Variants in ZNF502 observed in about 807,000 individuals in gnomAD.
ZNF502 encodes the protein zinc finger protein 502.
Under a neutral mutation model 43.6 loss-of-function variants are expected in ZNF502, and 29 were observed. The observed-to-expected ratio is 0.67, with a 90% CI of 0.50 to 0.91. The LOEUF (loss-of-function observed/expected upper bound fraction) is 0.91. ZNF502 is among the 40% of genes least tolerant of loss of function. The pLI, the probability that ZNF502 is intolerant of heterozygous loss-of-function variation, is 0.00. For missense variants in ZNF502, 591 were observed against 647.2 expected (o/e 0.91, Z 0.94); for synonymous variants, 171 against 207.4 (o/e 0.82, Z 1.51).
chr3:44,712,901 C>T (rs996875229), intron 1 of ZNF502, among the ~76,000 whole-genome samples, 161 bp downstream of exon 1: 8 of 152,240 alleles, frequency 5.3e-5, no homozygotes, highest in Admixed American at 6.5e-5. Flanking sequence ...CCTAGCGGCT[C>T]GGCCCGCCCA....
At chr3:44,718,452 G>C (rs1704208635) in intron 1 of ZNF502, among the ~76,000 whole-genome samples, 1 of 152,170 alleles carries the variant, frequency 6.6e-6, no homozygotes, top group African/African-American at 2.4e-5. Flanking sequence ...CTATCAAACT[G>C]TTTCAAATCC....
intron 2 of ZNF502, 49 bp downstream of exon 2, chr3:44,720,365 A>T: frequency 1.3e-6 from 2 of 1,594,742 alleles, no homozygotes; most frequent in Non-Finnish European, 1.7e-6. Context: ...GCCAATAGGA[A>T]GCCTTTGGAA....
At chr3:44,713,328 A>G (rs1575536623) in intron 1 of ZNF502, among the ~76,000 whole-genome samples, 2 of 152,230 alleles carry the variant, frequency 1.3e-5, no homozygotes, top group East Asian at 1.9e-4. Flanking sequence ...AAGGATTACT[A>G]TCCATTATAT....
At chr3:44,714,381 T>C (rs140706681) in intron 1 of ZNF502, among the ~76,000 whole-genome samples, 3 of 152,360 alleles carry the variant, frequency 2.0e-5, no homozygotes, top group African/African-American at 4.8e-5. Context: ...GGGCAACTTA[T>C]AGACCTAGGA....
intron 1 of ZNF502, among the ~76,000 whole-genome samples, chr3:44,719,362 G>C (rs1559499728): frequency 6.6e-6 from 1 of 152,216 alleles, no homozygotes; most frequent in Non-Finnish European, 1.5e-5. Context: ...TACTTGAGCA[G>C]ACTTATTTTA....
Position 44,722,046 on chromosome 3 carries a change from G to A in ZNF502, c.1229G>A (p.Ser410Asn). 1 of 1,614,138 alleles carries A rather than the reference G, an allele frequency of 6.2e-7. No individual in the cohort carries two copies. Among genetic ancestry groups the A allele is most frequent in the Non-Finnish European group, 8.5e-7 (1 of 1,180,018 alleles). The change falls in exon 3 of 3, where the codon AGT (serine) becomes AAT (asparagine). Residue 410 changes from serine (S) to asparagine (N), a missense_variant. Physicochemically the swap from Ser to Asn is conservative, Grantham distance 46 (BLOSUM62 1). Transcript: ENST00000436624. The part of the protein sequence containing the change: ...IHTGERPYKC[S>N]ECGKAFIQSI... Reference sequence around the variant, plus strand: ...ACAGGGGAGAGACCCTACAAATGCAGTGAATGTGGTAAAGCCTTCATTCAG... The same window carrying A: ...ACAGGGGAGAGACCCTACAAATGCAATGAATGTGGTAAAGCCTTCATTCAG...
chr3:44,716,608 C>G (rs929978844), intron 1 of ZNF502, among the ~76,000 whole-genome samples: 1 of 152,182 alleles, frequency 6.6e-6, no homozygotes, highest in African/African-American at 2.4e-5. Context: ...TCACAGCATC[C>G]TAACTATAAC....
intron 1 of ZNF502, among the ~76,000 whole-genome samples, chr3:44,719,786 C>T (rs1008557112): frequency 2.0e-4 from 31 of 152,194 alleles, no homozygotes; most frequent in African/African-American, 7.2e-4. Context: ...AGACTTAATG[C>T]ACAAGCTTTG....
intron 1 of ZNF502, among the ~76,000 whole-genome samples, chr3:44,718,433 T>C (rs954432681): frequency 6.6e-6 from 1 of 152,234 alleles, no homozygotes; most frequent in African/African-American, 2.4e-5. Flanking sequence ...TCTAATCATG[T>C]CATGTATTCT....
rs777996065 is a variant in ZNF502, at chr3:44,722,420, T to C, written c.1603T>C (p.Phe535Leu). 1 of 1,613,270 alleles carries C rather than the reference T, an allele frequency of 6.2e-7. No homozygotes were observed. The highest frequency in any genetic ancestry group is 1.7e-5 in the Admixed American group (1 of 59,962). The part of the protein sequence containing the change: ...GKFFRHSSVL[F>L]RHQKLHSGD ...GTTCTTCAGACATAGTTCAGTCCTTTTCAGACATCAGAAACTTCACAGTGG... is the reference window on the plus strand; with the variant it reads ...GTTCTTCAGACATAGTTCAGTCCTTCTCAGACATCAGAAACTTCACAGTGG... Residue 535 changes from phenylalanine to leucine, a missense_variant, in exon 3 of 3, where the codon TTC becomes CTC. By Grantham distance (22) the Phe-to-Leu change is conservative (BLOSUM62 0). Transcript: ENST00000436624.
rs968056207 is a variant in ZNF502 at position 44,723,364 on chromosome 3, A to G, written c.*912A>G. 2.0e-5 allele frequency: 3 copies of G among 152,260 alleles called. No individual in the cohort carries two copies. Among genetic ancestry groups the G allele is most frequent in the African/African-American group, 7.2e-5 (3 of 41,466 alleles). 9.4% of individuals were successfully genotyped at this position (152,260 alleles called of 1,614,324 possible). A position where few individuals can be genotyped will look rare whatever the true frequency, so the allele number is the denominator to read the frequency against. ...CCTGTACTAAGGTGTACACCTGTCT[A>G]TTGTAAGTTTGCCTAGGCTGTTGGT... is the stretch of plus-strand genomic sequence containing the variant. On this transcript the variant is annotated 3_prime_UTR_variant, in exon 3 of 3. Coordinates refer to ENST00000436624, the MANE Select transcript of ZNF502 (RefSeq NM_001134442.3).
In ZNF502 at chr3:44,723,367, G is replaced by C. The variant is rs536276034; in HGVS notation, c.*915G>C. ...GTACTAAGGTGTACACCTGTCTATT[G>C]TAAGTTTGCCTAGGCTGTTGGTGTA... On this transcript the variant is annotated 3_prime_UTR_variant, in exon 3 of 3. Coordinates refer to ENST00000436624, the MANE Select transcript of ZNF502 (RefSeq NM_001134442.3). 6.6e-6 allele frequency: 1 copy of C among 152,362 alleles called. No individual in the cohort carries two copies. Among genetic ancestry groups the C allele is most frequent in the Non-Finnish European group, 1.5e-5 (1 of 68,048 alleles). The allele number at this position is 152,362 out of a possible 1,614,324, so 9.4% of individuals were successfully genotyped here.
At chr3:44,720,151 A>T in intron 1 of ZNF502, 52 bp from the exon 2 acceptor site, 1 of 1,138,416 alleles carries the variant, frequency 8.8e-7, no homozygotes, top group Non-Finnish European at 1.3e-6. Context: ...CGTTCTGTTT[A>T]CTGGGACAGT....
chr3:44,721,400 A>G lies in ZNF502; in HGVS notation c.583A>G (p.Ser195Gly), dbSNP rs1704329412. The G allele has an allele frequency of 6.2e-7, 1 of 1,614,206 alleles. No homozygotes were observed. ...CEECGKAFSR[S>G]SFLVQHQRIH... ...GGAATGTGGGAAAGCCTTTAGTCGT[A>G]GTTCATTCCTTGTTCAACATCAAAG... The change falls in exon 3 of 3, where the codon AGT (serine) becomes GGT (glycine). Residue 195 changes from serine (S) to glycine (G), a missense_variant. Transcript: ENST00000436624.
At position 44,722,968 on chromosome 3, in the gene ZNF502, AGTAAGAGCC is replaced by A. The variant is rs1704406465; in HGVS notation, c.*517_*525del. On this transcript the variant is annotated 3_prime_UTR_variant, in exon 3 of 3. Coordinates refer to ENST00000436624, the MANE Select transcript of ZNF502 (RefSeq NM_001134442.3). ...GTCCTGTGAAAAGGAGACAGAAACA[AGTAAGAGCC>A]AAAAAAAAAAAAAAAAAAAATCCAT... is the stretch of plus-strand genomic sequence containing the variant. 7.8e-6 allele frequency: 1 copy of A among 128,880 alleles called. No individual in the cohort carries two copies. The allele number at this position is 128,880 out of a possible 1,614,324, so 8.0% of individuals were successfully genotyped here.
intron 1 of ZNF502, among the ~76,000 whole-genome samples, chr3:44,719,911 TTTATAA>T (rs1422821780): frequency 6.6e-6 from 1 of 152,268 alleles, no homozygotes; most frequent in African/African-American, 2.4e-5. Flanking sequence ...TCGTTTAATC[TTTATAA>T]TTATAAAAAG....
intron 1 of ZNF502, among the ~76,000 whole-genome samples, chr3:44,713,163 T>A (rs562744533): frequency 2.2e-4 from 33 of 152,322 alleles, no homozygotes; most frequent in African/African-American, 7.7e-4. Context: ...TAGCGTAAAG[T>A]GCACTCGTTG....
chr3:44,717,585 AT>A, intron 1 of ZNF502, among the ~76,000 whole-genome samples: 1 of 151,160 alleles, frequency 6.6e-6, no homozygotes, highest in Non-Finnish European at 1.5e-5. Flanking sequence ...CTAATTTTGT[AT>A]TTTTAGTAGA....
Position 44,722,265 on chromosome 3 carries a change from G to A in ZNF502, c.1448G>A (p.Arg483Lys). The change falls in exon 3 of 3, where the codon AGA (arginine) becomes AAA (lysine). Residue 483 changes from arginine to lysine, a missense_variant. Arg to Lys is a conservative substitution (Grantham distance 26). Transcript: ENST00000436624. ...AHSSSLTEHHRTHTGEKLYKC... is the reference protein window; with the variant it reads ...AHSSSLTEHHKTHTGEKLYKC... ...AGCTCATCTCTTACTGAACATCATA[G>A]AACTCACACTGGTGAGAAGCTCTAT... 6.2e-7 allele frequency: 1 copy of A among 1,614,200 alleles called. No homozygotes were observed. The highest frequency in any genetic ancestry group is 2.2e-5 in the East Asian group (1 of 44,884).
Sources: allele counts gnomAD v4.1 joint callset (sites outside exome capture counted in the v4.1 genomes callset), GRCh38; gene constraint gnomAD v4.1.1; transcripts MANE v1.5; gene names NCBI Gene and HGNC (gene_info 2026-07-23, HGNC 2026-07-21).